The following XKR6 variants were observed in gnomAD, a reference collection of about 807,000 sequenced individuals.
XKR6 encodes XK-related protein 6.
Under a neutral mutation model 56.7 loss-of-function variants are expected in XKR6, and 22 were observed. The ratio of observed to expected loss-of-function variants is 0.39; its 90% CI spans 0.28 to 0.55. The LOEUF is 0.55. Among genes scored for constraint, XKR6 ranks in the 20% least tolerant of loss-of-function variants. The pLI, the probability that XKR6 is intolerant of heterozygous loss-of-function variation, is 0.66. For missense variants in XKR6, 852 were observed against 889.0 expected (o/e 0.96, Z 0.53); for synonymous variants, 524 against 387.8 (o/e 1.35, Z -4.13).
chr8:11,120,273 A>G (rs767741637), intron 1 of XKR6, among the ~76,000 whole-genome samples: 1 of 152,194 alleles, frequency 6.6e-6, no homozygotes, highest in Non-Finnish European at 1.5e-5. Flanking sequence ...ACATGATTGT[A>G]TATTTAGAAA....
intron 1 of XKR6, among the ~76,000 whole-genome samples, chr8:10,939,722 G>A (rs1801333406): frequency 6.6e-6 from 1 of 152,248 alleles, no homozygotes; most frequent in African/African-American, 2.4e-5. Context: ...GCAGAGCTCT[G>A]CTTTCGACCA....
intron 1 of XKR6, among the ~76,000 whole-genome samples, chr8:10,971,866 G>A (rs1327936379): frequency 6.6e-6 from 1 of 152,184 alleles, no homozygotes; most frequent in African/African-American, 2.4e-5. Flanking sequence ...TTCAGATAAT[G>A]TGTGTTGCTT....
intron 1 of XKR6, among the ~76,000 whole-genome samples, chr8:11,016,815 C>T (rs977901472): frequency 2.0e-5 from 3 of 152,226 alleles, no homozygotes; most frequent in Non-Finnish European, 4.4e-5. Flanking sequence ...TCGGGCCAGC[C>T]GAGCCCAAAA....
At chr8:11,062,991 C>T (rs1799877374) in intron 1 of XKR6, 2 of 366,388 alleles carry the variant, frequency 5.5e-6, no homozygotes, top group African/African-American at 4.3e-5. Flanking sequence ...GATGGAGGAG[C>T]CTGGGTTCTT....
rs796514928 is a variant in XKR6, at chr8:11,042,127, C to T, written c.765-117297G>A. Among the ~76,000 whole-genome samples, 31 of 152,324 alleles carry T rather than the reference C, an allele frequency of 2.0e-4. 2 individuals are homozygous for T. Among genetic ancestry groups the T allele is most frequent in the African/African-American group, 7.2e-4 (30 of 41,576 alleles). On this transcript the variant is annotated intron_variant, in intron 1 of 2. Coordinates refer to ENST00000416569, the MANE Select transcript of XKR6 (RefSeq NM_173683.4). The stretch of plus-strand genomic sequence containing the variant: ...ACCAATAGGAGGCATTCTAAACATA[C>T]TGTTCTGCCTTCTTCACTCTTCACA...
intron 2 of XKR6, among the ~76,000 whole-genome samples, chr8:10,908,952 G>A (rs1015077521): frequency 4.6e-5 from 7 of 152,194 alleles, no homozygotes; most frequent in African/African-American, 1.7e-4. Context: ...ATCACTTGAG[G>A]TCAGGAGTTT....
intron 1 of XKR6, among the ~76,000 whole-genome samples, chr8:11,079,223 C>G (rs1486162913): frequency 1.3e-5 from 2 of 152,194 alleles, no homozygotes; most frequent in East Asian, 3.9e-4. Flanking sequence ...CCTGGCTTGT[C>G]TGCAATGGCA....
intron 1 of XKR6, among the ~76,000 whole-genome samples, chr8:10,964,903 C>T (rs973106055): frequency 4.6e-5 from 7 of 152,232 alleles, no homozygotes; most frequent in East Asian, 1.9e-4. Context: ...TTAGTTTCCC[C>T]GGCCAGCGCT....
Position 11,024,984 on chromosome 8 carries a change from C to T in XKR6, c.765-100154G>A, listed in dbSNP as rs567711624. 2.6e-5 allele frequency among the ~76,000 whole-genome samples: 4 copies of T among 152,346 alleles called. No homozygotes were observed. In the South Asian group the frequency reaches 8.3e-4, roughly 32 times the overall value. On this transcript the variant is annotated intron_variant, in intron 1 of 2. Coordinates refer to ENST00000416569, the MANE Select transcript of XKR6 (RefSeq NM_173683.4). ...AAAGTGGCTGCCTCAGGCCCTGTGGCTCCCAGTAACCAAAGTCCACAGGAG... is the reference window on the plus strand; with the variant it reads ...AAAGTGGCTGCCTCAGGCCCTGTGGTTCCCAGTAACCAAAGTCCACAGGAG...
intron 1 of XKR6, among the ~76,000 whole-genome samples, chr8:10,949,509 C>A (rs1480691479): frequency 1.3e-5 from 2 of 152,224 alleles, no homozygotes; most frequent in Admixed American, 1.3e-4. Flanking sequence ...GGAAGGCACA[C>A]CTGTTCCTAG....
rs1350538721 is a variant in XKR6 at position 11,201,086 on chromosome 8, C to G, written c.254G>C (p.Ser85Thr). 3 of 1,386,680 alleles carry G rather than the reference C, an allele frequency of 2.2e-6. No homozygotes were observed. In the Admixed American group the frequency reaches 8.9e-5, roughly 41 times the overall value. 85.9% of individuals were successfully genotyped at this position (1,386,680 alleles called of 1,614,324 possible). ...RSLLGRKPRR[S>T]AAADGGDQPL... Reference sequence around the variant, plus strand: ...CTGGTCCCCCCCGTCGGCGGCGGCGCTGCGGCGCGGCTTCCTGCCCAGGAG... The same window carrying G: ...CTGGTCCCCCCCGTCGGCGGCGGCGGTGCGGCGCGGCTTCCTGCCCAGGAG... The change falls in exon 1 of 3, where the codon AGC becomes ACC. Residue 85 changes from serine to threonine, a missense_variant. Ser to Thr is a moderately conservative substitution (Grantham distance 58). Transcript: ENST00000416569.
intron 1 of XKR6, among the ~76,000 whole-genome samples, chr8:11,154,354 G>A (rs901155107): frequency 1.4e-4 from 21 of 152,328 alleles, no homozygotes; most frequent in African/African-American, 3.1e-4. Context: ...CATTCCGTGC[G>A]TACGGTCACA....
At chr8:10,979,358 C>T (rs990662549) in intron 1 of XKR6, among the ~76,000 whole-genome samples, 5 of 151,916 alleles carry the variant, frequency 3.3e-5, no homozygotes, top group African/African-American at 7.3e-5. Flanking sequence ...GCAGAAGGCT[C>T]GGGTCAGCAG....
At chr8:11,133,790 C>T (rs1800239264) in intron 1 of XKR6, among the ~76,000 whole-genome samples, 1 of 152,082 alleles carries the variant, frequency 6.6e-6, no homozygotes, top group African/African-American at 2.4e-5. Context: ...GTCTTACAAC[C>T]ACCCCACATC....
intron 1 of XKR6, among the ~76,000 whole-genome samples, chr8:11,127,834 G>C (rs1351373393): frequency 1.3e-5 from 2 of 152,140 alleles, no homozygotes; most frequent in African/African-American, 2.4e-5. Context: ...GTCTACCCCA[G>C]GGCTATTACG....
chr8:11,195,413 T>C (rs1803823591), intron 1 of XKR6, among the ~76,000 whole-genome samples: 1 of 152,234 alleles, frequency 6.6e-6, no homozygotes, highest in Admixed American at 6.5e-5. Flanking sequence ...CCACCTTTAC[T>C]ATGTACTAAA....
chr8:10,954,801 A>G (rs759955526), intron 1 of XKR6, among the ~76,000 whole-genome samples: 17 of 134,424 alleles, frequency 1.3e-4, no homozygotes, highest in Admixed American at 2.2e-4. Context: ...TTTAACATTT[A>G]GGTCTATGAT....
chr8:10,904,715 C>G (rs1168951006), intron 2 of XKR6, among the ~76,000 whole-genome samples: 1 of 152,080 alleles, frequency 6.6e-6, no homozygotes, highest in Non-Finnish European at 1.5e-5. Context: ...AATAAGGGAA[C>G]CTGAAGGAGG....
intron 1 of XKR6, among the ~76,000 whole-genome samples, chr8:10,983,916 A>T: frequency 6.6e-6 from 1 of 152,106 alleles, no homozygotes; most frequent in Admixed American, 6.6e-5. Flanking sequence ...TGGCCTCCCA[A>T]AGTGCTGGGA....
Sources: allele counts gnomAD v4.1 joint callset (sites outside exome capture counted in the v4.1 genomes callset), GRCh38; gene constraint gnomAD v4.1.1; transcripts MANE v1.5; gene names NCBI Gene and HGNC (gene_info 2026-07-23, HGNC 2026-07-21).